Variants in ADAM18 observed in about 807,000 individuals in gnomAD.
ADAM18 encodes the protein ADAM metallopeptidase domain 18, also known as disintegrin and metalloproteinase domain-containing protein 18.
ADAM18 carries 117 observed loss-of-function variants against 94.4 expected under a neutral mutation model. That is an observed-to-expected ratio of 1.24 (90% CI 1.07 to 1.45). The LOEUF is 1.45. Among genes scored for constraint, ADAM18 ranks in the 40% most tolerant of loss-of-function variants. The probability of loss-of-function intolerance (pLI) is 0.00; values close to 1 mark genes in which losing one functional copy is unlikely to be tolerated. For missense variants in ADAM18, 936 were observed against 880.0 expected, an observed-to-expected ratio of 1.06 and a Z score of -0.81; for synonymous variants, 327 against 291.6, an observed-to-expected ratio of 1.12 and a Z score of -1.24.
chr8:39,714,370 A>G (rs9657181), intron 18 of ADAM18, among the ~76,000 whole-genome samples: 57,030 of 151,930 alleles, frequency 0.38, 12,660 homozygotes, highest in East Asian at 0.75. Flanking sequence ...GCAAACCAAC[A>G]TAGCACATGC....
At chr8:39,626,525 T>G (rs1348817625) in intron 6 of ADAM18, among the ~76,000 whole-genome samples, 1 of 152,010 alleles carries the variant, frequency 6.6e-6, no homozygotes, top group Non-Finnish European at 1.5e-5. Context: ...TCAGTCTTTT[T>G]GATGTAGGCA....
At chr8:39,638,576 C>T in intron 10 of ADAM18, 30 bp downstream of exon 10, 1 of 1,335,976 alleles carries the variant, frequency 7.5e-7, no homozygotes, top group Non-Finnish European at 1.0e-6. Context: ...CTTTACATCA[C>T]TATTTTTAGG....
intron 14 of ADAM18, among the ~76,000 whole-genome samples, chr8:39,670,567 T>C (rs1313147546): frequency 6.6e-6 from 1 of 152,198 alleles, no homozygotes; most frequent in Non-Finnish European, 1.5e-5. Flanking sequence ...ATCAAAATTA[T>C]ACATCGAGTG....
intron 12 of ADAM18, among the ~76,000 whole-genome samples, chr8:39,660,405 GACTATATTTCATGC>G (rs1478028355): frequency 6.6e-6 from 1 of 152,128 alleles, no homozygotes; most frequent in Non-Finnish European, 1.5e-5. Flanking sequence ...AGGAATGCAA[GACTATATTTCATGC>G]ACATAGTAAC....
intron 6 of ADAM18, among the ~76,000 whole-genome samples, chr8:39,626,313 G>A (rs1295290989): frequency 6.6e-6 from 1 of 151,966 alleles, no homozygotes; most frequent in Non-Finnish European, 1.5e-5. Flanking sequence ...TTGGCTAATG[G>A]AACTAATGGT....
At chr8:39,695,964 A>G (rs2129580959) in intron 17 of ADAM18, among the ~76,000 whole-genome samples, 1 of 151,428 alleles carries the variant, frequency 6.6e-6, no homozygotes, top group East Asian at 1.9e-4. Context: ...TGGTAATTCT[A>G]TTTTCAATTT....
At chr8:39,585,683 T>C (rs1402350889) in intron 2 of ADAM18, among the ~76,000 whole-genome samples, 2 of 152,180 alleles carry the variant, frequency 1.3e-5, no homozygotes, top group African/African-American at 4.8e-5. Context: ...TATTGTCCAG[T>C]AAATGATGTA....
intron 18 of ADAM18, among the ~76,000 whole-genome samples, chr8:39,714,848 C>T (rs1822526243): frequency 6.6e-6 from 1 of 151,994 alleles, no homozygotes; most frequent in Non-Finnish European, 1.5e-5. Flanking sequence ...GTTGAAAAAA[C>T]AATTTTTTCT....
Position 39,730,030 on chromosome 8 carries a change from C to A in ADAM18, c.*90C>A. ...GTTATCCCCAATGCATTGTAAATGT[C>A]AAACTTTTGGAAAATAAAGCCTGCG... On this transcript the variant is annotated 3_prime_UTR_variant, in exon 20 of 20. Transcript: ENST00000265707. 1 of 1,371,330 alleles carries A rather than the reference C, an allele frequency of 7.3e-7. No homozygotes were observed. Among genetic ancestry groups the A allele is most frequent in the South Asian group, 1.2e-5 (1 of 84,298 alleles). 84.9% of individuals were successfully genotyped at this position (1,371,330 alleles called of 1,614,324 possible). A position where few individuals can be genotyped will look rare whatever the true frequency, so the allele number is the denominator to read the frequency against.
chr8:39,652,672 T>C (rs1311067402), intron 12 of ADAM18, among the ~76,000 whole-genome samples: 1 of 152,154 alleles, frequency 6.6e-6, no homozygotes, highest in Non-Finnish European at 1.5e-5. Flanking sequence ...AATCCAGTGA[T>C]CCCATTACTG....
chr8:39,615,226 T>TAA (rs148186223), intron 6 of ADAM18, among the ~76,000 whole-genome samples: 5 of 137,858 alleles, frequency 3.6e-5, no homozygotes, highest in Non-Finnish European at 1.6e-5. Flanking sequence ...CTCAACAAAT[T>TAA]AAAAAAAAAA....
At chr8:39,626,815 T>C (rs1430523361) in intron 6 of ADAM18, among the ~76,000 whole-genome samples, 1 of 152,174 alleles carries the variant, frequency 6.6e-6, no homozygotes, top group South Asian at 2.1e-4. Context: ...ACTTATTTTG[T>C]GGCCTATCAT....
intron 5 of ADAM18, 104 bp downstream of exon 5, chr8:39,609,665 C>T: frequency 1.3e-6 from 1 of 749,480 alleles, no homozygotes; most frequent in South Asian, 2.3e-5. Context: ...TAAGGGAAAT[C>T]AAAATGGAAA....
chr8:39,615,732 A>C lies in ADAM18; in HGVS notation c.522+5026A>C, dbSNP rs1819420405. Among the ~76,000 whole-genome samples, 4 of 152,204 alleles carry C rather than the reference A, an allele frequency of 2.6e-5. No homozygotes were observed. The South Asian group carries it at 8.3e-4, about 32-fold the overall frequency. ...ACCAGAGCAATCACGTAAGAGAAAG[A>C]AAAGGCATTCAAATAGGAAGAGAAG... is the stretch of plus-strand genomic sequence containing the variant. On this transcript the variant is annotated intron_variant, in intron 6 of 19. Coordinates refer to ENST00000265707, the MANE Select transcript of ADAM18 (RefSeq NM_014237.3).
chr8:39,660,188 C>A (rs929988681), intron 12 of ADAM18, among the ~76,000 whole-genome samples: 6 of 151,910 alleles, frequency 3.9e-5, no homozygotes, highest in African/African-American at 1.4e-4. Context: ...AAGAAAAGAA[C>A]AAAAGATCTA....
intron 6 of ADAM18, among the ~76,000 whole-genome samples, chr8:39,613,184 C>T (rs2129578580): frequency 1.3e-5 from 2 of 152,280 alleles, no homozygotes; most frequent in Middle Eastern, 3.4e-3. Context: ...GAGTGCAGAC[C>T]CTGCTGCCAT....
At chr8:39,692,249 A>C (rs1433587530) in intron 16 of ADAM18, among the ~76,000 whole-genome samples, 1 of 151,802 alleles carries the variant, frequency 6.6e-6, no homozygotes, top group African/African-American at 2.4e-5. Context: ...TTAACATCTA[A>C]TCAATTATTC....
At chr8:39,649,820 T>G (rs1820478422) in intron 12 of ADAM18, among the ~76,000 whole-genome samples, 1 of 80,514 alleles carries the variant, frequency 1.2e-5, no homozygotes, top group Non-Finnish European at 3.6e-5. Flanking sequence ...GATTCCTTTC[T>G]CCTTGTGAGG....
Position 39,706,792 on chromosome 8 carries a change from A to G in ADAM18, c.1905A>G (p.Ile635Met). 1 of 1,566,738 alleles carries G rather than the reference A, an allele frequency of 6.4e-7. No individual in the cohort carries two copies. The highest frequency in any genetic ancestry group is 8.8e-7 in the Non-Finnish European group (1 of 1,138,994). Residue 635 changes from isoleucine (I) to methionine (M), a missense_variant and splice_region_variant, in exon 18 of 20, where the codon ATA becomes ATG. Ile to Met is a conservative substitution (Grantham distance 10). Coordinates refer to ENST00000265707, the MANE Select transcript of ADAM18 (RefSeq NM_014237.3). ...GTTTCTGTATTTTTCTGTTTCAGAT[A>G]TGTAATAATTTTGGTAATTGTCAAT... The part of the protein sequence containing the change: ...NATTKCKGKG[I>M]CNNFGNCQCF...
Sources: gnomAD v4.1 joint callset for allele counts (sites outside exome capture counted in the v4.1 genomes callset) on GRCh38, gnomAD v4.1.1 for gene constraint, MANE v1.5 for transcripts, NCBI Gene and HGNC (gene_info 2026-07-23, HGNC 2026-07-21) for gene names.